The following FBXL19 variants were observed in gnomAD, a reference collection of about 807,000 sequenced individuals.
The protein encoded by FBXL19 is F-box/LRR-repeat protein 19.
A neutral mutation model predicts 71.2 loss-of-function variants in FBXL19; 16 were observed. That is an observed-to-expected ratio of 0.22 (90% CI 0.15 to 0.34). The LOEUF is 0.34. FBXL19 is among the 10% of genes least tolerant of loss of function. FBXL19 has a pLI of 1.00. For synonymous variants in FBXL19, 447 were observed against 409.4 expected (o/e 1.09, Z -1.11); for missense variants, 658 against 968.2 (o/e 0.68, Z 4.25).
Position 30,947,279 on chromosome 16 carries a change from G to A in FBXL19, c.*49G>A, listed in dbSNP as rs199949997. 956 of 1,436,148 alleles carry A rather than the reference G, an allele frequency of 6.7e-4. 2 individuals are homozygous for A. The African/African-American group carries it at 0.011, about 16-fold the overall frequency. The allele number at this position is 1,436,148 out of a possible 1,614,324, so 89.0% of individuals were successfully genotyped here. A position where few individuals can be genotyped will look rare whatever the true frequency, so the allele number is the denominator to read the frequency against. Reference sequence around the variant, plus strand: ...GGACTCGACAGGAGCCTGGACCTCCGGCTTCATTTCACCCCTGCTGGGAGG... The same window carrying A: ...GGACTCGACAGGAGCCTGGACCTCCAGCTTCATTTCACCCCTGCTGGGAGG... On this transcript the variant is annotated 3_prime_UTR_variant, in exon 11 of 11. Coordinates refer to ENST00000338343, the MANE Select transcript of FBXL19 (RefSeq NM_001382779.1).
chr16:30,923,812 G>C lies in FBXL19; in HGVS notation c.-672G>C, dbSNP rs1490568486. ...CGCGCTTGGGGGAGGGGGAGAGGTC[G>C]GGGGTGCGCGCGGGCTGGGGGGGGC... On this transcript the variant is annotated 5_prime_UTR_variant, in exon 1 of 11. Coordinates refer to ENST00000338343, the MANE Select transcript of FBXL19 (RefSeq NM_001382779.1). Among the ~76,000 whole-genome samples, 1 of 151,102 alleles carries C rather than the reference G, an allele frequency of 6.6e-6. No homozygotes were observed. Among genetic ancestry groups the C allele is most frequent in the Non-Finnish European group, 1.5e-5 (1 of 67,534 alleles).
At chr16:30,945,699 C>T (rs1325803121) in intron 9 of FBXL19, among the ~76,000 whole-genome samples, 3 of 144,974 alleles carry the variant, frequency 2.1e-5, no homozygotes, top group East Asian at 4.1e-4. Context: ...TGGTCAGGTG[C>T]GGTGGCTCAG....
At chr16:30,926,535 G>A (rs1040592771) in intron 2 of FBXL19, among the ~76,000 whole-genome samples, 1 of 152,190 alleles carries the variant, frequency 6.6e-6, no homozygotes, top group African/African-American at 2.4e-5. Flanking sequence ...CTGGGCTCCA[G>A]AGCACGGCCC....
intron 5 of FBXL19, 50 bp downstream of exon 5, chr16:30,928,013 C>A: frequency 7.8e-7 from 1 of 1,275,338 alleles, no homozygotes; most frequent in Non-Finnish European, 1.1e-6. Context: ...ATTCTGGGAG[C>A]TGTAGTCCTG....
In FBXL19 at chr16:30,930,821, A is replaced by G. The variant is rs148751288; in HGVS notation, c.1301+237A>G. Among the ~76,000 whole-genome samples, 26 of 152,194 alleles carry G rather than the reference A, an allele frequency of 1.7e-4. No homozygotes were observed. The highest frequency in any genetic ancestry group is 1.3e-3 in the Admixed American group (20 of 15,286). ...TAGAGGTTATTTTCCCCTTTTTCAG[A>G]TGAAGCTGAGGCCCAAGGTCATGTG... On this transcript the variant is annotated intron_variant, in intron 7 of 10. Coordinates refer to ENST00000338343, the MANE Select transcript of FBXL19 (RefSeq NM_001382779.1). The surrounding 1 kb of genome is among the most constrained non-coding windows in gnomAD (Gnocchi z 8.5).
rs751204433 is a variant in FBXL19 at position 30,942,518 on chromosome 16, C to G, written c.1609C>G (p.Pro537Ala). The change falls in exon 9 of 11, where the codon CCA becomes GCA. Residue 537 changes from proline to alanine, a missense_variant. Around this residue, in one of 8 missense-constraint regions of FBXL19, gnomAD observed 25 missense variants for 25.0 expected, o/e 1.00. Transcript: ENST00000338343. This position sits in a 1 kb window ranked among gnomAD's most constrained non-coding sequence, Gnocchi z 5.7. ...CCAGCTCCGGGAGTTGCTGCTGCCT[C>G]CACCAGACACCAAACCAGGTGCAAC... ...DSQLRELLLP[P>A]PDTKPGQTES... 6 of 1,590,812 alleles carry G rather than the reference C, an allele frequency of 3.8e-6. No homozygotes were observed. In the South Asian group the frequency reaches 6.8e-5, roughly 18 times the overall value.
chr16:30,941,858 G>A (rs1472869199), intron 7 of FBXL19, among the ~76,000 whole-genome samples: 1 of 152,210 alleles, frequency 6.6e-6, no homozygotes, highest in Non-Finnish European at 1.5e-5. Flanking sequence ...AGAGTGGGGG[G>A]GCTATTGCCT....
chr16:30,925,112 A>T lies in FBXL19; in HGVS notation c.-24-619A>T, dbSNP rs1329315532. Among the ~76,000 whole-genome samples the T allele has an allele frequency of 6.6e-6, 1 of 151,578 alleles. No homozygotes were observed. Among genetic ancestry groups the T allele is most frequent in the Non-Finnish European group, 1.5e-5 (1 of 67,898 alleles). On this transcript the variant is annotated intron_variant, in intron 1 of 10. Coordinates refer to ENST00000338343, the MANE Select transcript of FBXL19 (RefSeq NM_001382779.1). The surrounding 1 kb of genome is among the most constrained non-coding windows in gnomAD (Gnocchi z 5.0). Reference sequence around the variant, plus strand: ...CTCCAGGGCTGTCAGAGCTCTGGGGAGTTAGTGGGCAGAGGAGATCGTTAG... The same window carrying T: ...CTCCAGGGCTGTCAGAGCTCTGGGGTGTTAGTGGGCAGAGGAGATCGTTAG...
In FBXL19 at chr16:30,925,910, C is replaced by T; in HGVS notation, c.156C>T (p.Cys52=). 2 of 1,493,038 alleles carry T rather than the reference C, an allele frequency of 1.3e-6. No homozygotes were observed. Among genetic ancestry groups the T allele is most frequent in the South Asian group, 1.4e-5 (1 of 72,006 alleles). The allele number at this position is 1,493,038 out of a possible 1,614,324, so 92.5% of individuals were successfully genotyped here. A position where few individuals can be genotyped will look rare whatever the true frequency, so the allele number is the denominator to read the frequency against. The change falls in exon 2 of 11, where the codon TGC becomes TGT. Residue 52 remains cysteine, a synonymous_variant. Coordinates refer to ENST00000338343, the MANE Select transcript of FBXL19 (RefSeq NM_001382779.1). This position sits in a 1 kb window ranked among gnomAD's most constrained non-coding sequence, Gnocchi z 5.0. ...GGCCCGGGCGCATGAAGCAGTCGTGCCTGCTCCGGCAGTGCACTGCCGTGA... is the reference window on the plus strand; with the variant it reads ...GGCCCGGGCGCATGAAGCAGTCGTGTCTGCTCCGGCAGTGCACTGCCGTGA... ...FGGPGRMKQS[C]LLRQCTAPVL...
In FBXL19 at chr16:30,946,395, G is replaced by A. The variant is rs957707023; in HGVS notation, c.1628-335G>A. Among the ~76,000 whole-genome samples the A allele has an allele frequency of 6.6e-6, 1 of 152,164 alleles. No homozygotes were observed. Among genetic ancestry groups the A allele is most frequent in the African/African-American group, 2.4e-5 (1 of 41,436 alleles). On this transcript the variant is annotated intron_variant, in intron 9 of 10. Transcript: ENST00000338343. The surrounding 1 kb of genome is among the most constrained non-coding windows in gnomAD (Gnocchi z 6.7). ...ATTTTTGTATGTTGAGTAGAGACAA[G>A]GTTTTGCCATGTTAGGCCAGGCTAG... is the stretch of plus-strand genomic sequence containing the variant.
In FBXL19 at chr16:30,925,838, T is replaced by A. The variant is rs767872375; in HGVS notation, c.84T>A (p.Thr28=). 36 of 1,516,440 alleles carry A rather than the reference T, an allele frequency of 2.4e-5. No individual in the cohort carries two copies. The highest frequency in any genetic ancestry group is 3.0e-5 in the Non-Finnish European group (34 of 1,136,338). 93.9% of individuals were successfully genotyped at this position (1,516,440 alleles called of 1,614,324 possible). A position where few individuals can be genotyped will look rare whatever the true frequency, so the allele number is the denominator to read the frequency against. ...GCCGCTGCCGGGCCTGTGTGCGAAC[T>A]GAGTGCGGGGATTGCCACTTCTGCC... ...RCRRCRACVR[T]ECGDCHFCRD... The change falls in exon 2 of 11, where the codon ACT becomes ACA. Residue 28 remains threonine, a synonymous_variant. Coordinates refer to ENST00000338343, the MANE Select transcript of FBXL19 (RefSeq NM_001382779.1). This position sits in a 1 kb window ranked among gnomAD's most constrained non-coding sequence, Gnocchi z 5.0.
chr16:30,938,398 T>C (rs2055761145), intron 7 of FBXL19, among the ~76,000 whole-genome samples: 1 of 152,068 alleles, frequency 6.6e-6, no homozygotes, highest in South Asian at 2.1e-4. Flanking sequence ...CCCAGCCACA[T>C]GGGAGGCTGA....
intron 5 of FBXL19, 49 bp from the exon 6 acceptor site, chr16:30,928,418 G>T (rs944758380): frequency 6.7e-7 from 1 of 1,485,560 alleles, no homozygotes; most frequent in Admixed American, 2.4e-5. Context: ...GCCCATGAGG[G>T]CCTAATGGGG....
At chr16:30,932,403 G>C (rs1449025945) in intron 7 of FBXL19, among the ~76,000 whole-genome samples, 1 of 152,196 alleles carries the variant, frequency 6.6e-6, no homozygotes, top group Non-Finnish European at 1.5e-5. Flanking sequence ...CCCCTTCAAG[G>C]CCAGCTCTGT....
At position 30,927,264 on chromosome 16, in the gene FBXL19, G is replaced by A. The variant is rs568469822; in HGVS notation, c.178-44G>A. ...CCCTAGAAGGAAGGGTCTTTCCCCT[G>A]TTGTTAGCTTTCGGGGCCCCTGATG... On this transcript the variant is annotated intron_variant, in intron 2 of 10. Coordinates refer to ENST00000338343, the MANE Select transcript of FBXL19 (RefSeq NM_001382779.1). The A allele has an allele frequency of 1.2e-4, 185 of 1,521,820 alleles. No homozygotes were observed. The South Asian group carries it at 2.2e-3, about 18-fold the overall frequency. 94.3% of individuals were successfully genotyped at this position (1,521,820 alleles called of 1,614,324 possible).
At chr16:30,945,472 C>CA (rs1244401573) in intron 9 of FBXL19, among the ~76,000 whole-genome samples, 7 of 151,180 alleles carry the variant, frequency 4.6e-5, no homozygotes, top group Admixed American at 4.6e-4. Flanking sequence ...CCAGCCTGGC[C>CA]AACATGGTGA....
At chr16:30,933,173 G>C (rs909026056) in intron 7 of FBXL19, among the ~76,000 whole-genome samples, 13 of 151,600 alleles carry the variant, frequency 8.6e-5, no homozygotes, top group African/African-American at 3.2e-4. Context: ...CCTAATTTTT[G>C]CACTTTTTTA....
chr16:30,938,891 C>T (rs966352340), intron 7 of FBXL19, among the ~76,000 whole-genome samples: 2 of 151,952 alleles, frequency 1.3e-5, no homozygotes, highest in African/African-American at 4.8e-5. Context: ...CTGCCTCGGC[C>T]TCCCAAAGTG....
intron 7 of FBXL19, among the ~76,000 whole-genome samples, chr16:30,931,740 T>A (rs1413536131): frequency 6.6e-6 from 1 of 152,068 alleles, no homozygotes; most frequent in Non-Finnish European, 1.5e-5. Flanking sequence ...TTTTTATTTT[T>A]TTTTAAGACG....
Sources: allele counts gnomAD v4.1 joint callset (sites outside exome capture counted in the v4.1 genomes callset), GRCh38; gene constraint gnomAD v4.1.1; regional missense constraint gnomAD v4.1.1; non-coding constraint Gnocchi (gnomAD v3.1); transcripts MANE v1.5; gene names NCBI Gene and HGNC (gene_info 2026-07-23, HGNC 2026-07-21).